OPCML: variants seen among roughly 807,000 people sequenced by gnomAD.
OPCML encodes the protein opioid-binding protein/cell adhesion molecule.
A neutral mutation model predicts 37.8 loss-of-function variants in OPCML; 13 were observed. That is an observed-to-expected ratio of 0.34 (90% CI 0.22 to 0.55). The LOEUF (loss-of-function observed/expected upper bound fraction) is 0.55. Ranked by LOEUF, OPCML falls within the 20% of genes least tolerant of loss-of-function variation. The pLI, the probability that OPCML is intolerant of heterozygous loss-of-function variation, is 0.91. For synonymous variants in OPCML, 176 were observed against 168.8 expected (o/e 1.04, Z -0.33); for missense variants, 341 against 435.6 (o/e 0.78, Z 1.93).
intron 1 of OPCML, among the ~76,000 whole-genome samples, chr11:133,507,946 C>CAA (rs200433156): frequency 4.4e-4 from 43 of 98,802 alleles, no homozygotes; most frequent in African/African-American, 1.3e-3. Context: ...AAGTATGTCT[C>CAA]AAAAAAAAAA....
chr11:132,719,478 G>C (rs546507145), intron 2 of OPCML, among the ~76,000 whole-genome samples: 1 of 152,140 alleles, frequency 6.6e-6, no homozygotes, highest in Non-Finnish European at 1.5e-5. Flanking sequence ...ACTTCTCCCC[G>C]GTTTAAATTA....
chr11:133,260,079 C>G (rs1314419220), intron 1 of OPCML, among the ~76,000 whole-genome samples: 1 of 151,550 alleles, frequency 6.6e-6, no homozygotes, highest in Non-Finnish European at 1.5e-5. Flanking sequence ...ATAGGTGGAT[C>G]AGCAATGACC....
At chr11:133,386,563 C>T (rs1201466360) in intron 1 of OPCML, among the ~76,000 whole-genome samples, 1 of 152,140 alleles carries the variant, frequency 6.6e-6, no homozygotes, top group Non-Finnish European at 1.5e-5. Context: ...GACATGGGTC[C>T]CTCTGGACCT....
At chr11:132,740,092 G>A (rs935730999) in intron 2 of OPCML, among the ~76,000 whole-genome samples, 2 of 152,220 alleles carry the variant, frequency 1.3e-5, no homozygotes, top group African/African-American at 4.8e-5. Context: ...AGAAGAGTCA[G>A]AGGGTACAGA....
chr11:133,530,764 A>G (rs1948589185), intron 1 of OPCML, among the ~76,000 whole-genome samples: 1 of 152,196 alleles, frequency 6.6e-6, no homozygotes, highest in Non-Finnish European at 1.5e-5. Flanking sequence ...AAAAAGTGCC[A>G]TCTTCACAAG....
At chr11:133,106,328 G>A (rs1949156778) in intron 1 of OPCML, among the ~76,000 whole-genome samples, 1 of 152,206 alleles carries the variant, frequency 6.6e-6, no homozygotes, top group Non-Finnish European at 1.5e-5. Flanking sequence ...GGCAAGCATT[G>A]CACCCATTTA....
chr11:133,056,584 C>A (rs1022304377), intron 1 of OPCML, among the ~76,000 whole-genome samples: 2 of 152,184 alleles, frequency 1.3e-5, no homozygotes, highest in Admixed American at 1.3e-4. Context: ...ACAGATGAAG[C>A]AACATTCCTC....
chr11:132,786,465 T>A (rs923039431), intron 2 of OPCML, among the ~76,000 whole-genome samples: 1 of 152,158 alleles, frequency 6.6e-6, no homozygotes, highest in Non-Finnish European at 1.5e-5. Flanking sequence ...CTAAAGAAAA[T>A]AAATGGCTTT....
chr11:132,767,299 AC>A lies in OPCML; in HGVS notation c.147-109981del, dbSNP rs148200697. Reference sequence around the variant, plus strand: ...CTGGGTGGTGTGTGTGTGCACGCACACATGTGTATATGCATGCTCACGTGTG... The same window carrying A: ...CTGGGTGGTGTGTGTGTGCACGCACAATGTGTATATGCATGCTCACGTGTG... On this transcript the variant is annotated intron_variant, in intron 2 of 7. Coordinates refer to ENST00000524381, the MANE Select transcript of OPCML (RefSeq NM_001012393.5). 3.1e-3 allele frequency among the ~76,000 whole-genome samples: 475 copies of A among 152,328 alleles called. 1 individual carries two copies. Among genetic ancestry groups the A allele is most frequent in the African/African-American group, 9.2e-3 (381 of 41,574 alleles).
chr11:132,934,269 AG>A (rs1945301001), intron 2 of OPCML, among the ~76,000 whole-genome samples: 2 of 152,176 alleles, frequency 1.3e-5, no homozygotes, highest in African/African-American at 4.8e-5. Context: ...TGGCAGGACA[AG>A]GCAGGGTACC....
At chr11:133,172,189 C>G (rs1365820028) in intron 1 of OPCML, among the ~76,000 whole-genome samples, 1 of 152,172 alleles carries the variant, frequency 6.6e-6, no homozygotes, top group African/African-American at 2.4e-5. Context: ...CAAGCACCTA[C>G]TCCTCAATCT....
intron 1 of OPCML, among the ~76,000 whole-genome samples, chr11:133,293,752 T>C (rs1366745153): frequency 6.6e-6 from 1 of 152,022 alleles, no homozygotes; most frequent in Non-Finnish European, 1.5e-5. Context: ...AGGTCTGATC[T>C]GGAAGAGAAA....
chr11:133,335,250 G>T (rs544370978), intron 1 of OPCML, among the ~76,000 whole-genome samples: 1 of 152,324 alleles, frequency 6.6e-6, no homozygotes, highest in African/African-American at 2.4e-5. Flanking sequence ...AATAAAGGAA[G>T]CTCAGGCTGA....
At position 133,490,437 on chromosome 11, in the gene OPCML, T is replaced by C. The variant is rs192319261; in HGVS notation, c.61+41827A>G. ...TCATATTCTGTAAGACATAAATTGA[T>C]ACAGCCATCAGTGAAGCATGTGGAG... On this transcript the variant is annotated intron_variant, in intron 1 of 7. Transcript: ENST00000524381. Among the ~76,000 whole-genome samples the C allele has an allele frequency of 2.3e-3, 346 of 152,318 alleles. 4 individuals are homozygous for C. The highest frequency in any genetic ancestry group is 8.0e-3 in the African/African-American group (333 of 41,556).
In OPCML at chr11:133,173,625, A is replaced by G. The variant is rs969868086; in HGVS notation, c.62-230615T>C. On this transcript the variant is annotated intron_variant, in intron 1 of 7. Transcript: ENST00000524381. This position sits in a 1 kb window ranked among gnomAD's most constrained non-coding sequence, Gnocchi z 7.8. ...ACCCCCCAGATGCCTCTCATTGCAAAAATTAGCAGTAACGCGATGAGGCTA... is the reference window on the plus strand; with the variant it reads ...ACCCCCCAGATGCCTCTCATTGCAAGAATTAGCAGTAACGCGATGAGGCTA... Among the ~76,000 whole-genome samples, 1 of 152,168 alleles carries G rather than the reference A, an allele frequency of 6.6e-6. No homozygotes were observed. The highest frequency in any genetic ancestry group is 2.4e-5 in the African/African-American group (1 of 41,432).
intron 2 of OPCML, among the ~76,000 whole-genome samples, chr11:132,697,654 C>A (rs1323792613): frequency 6.6e-6 from 1 of 152,138 alleles, no homozygotes; most frequent in Non-Finnish European, 1.5e-5. Flanking sequence ...AGAACACGTT[C>A]TTTATCCATT....
chr11:133,137,313 T>C (rs966986731), intron 1 of OPCML, among the ~76,000 whole-genome samples: 8 of 152,236 alleles, frequency 5.3e-5, no homozygotes, highest in African/African-American at 1.9e-4. Context: ...CCTGTTCTTA[T>C]ATTTGCTTAT....
chr11:133,009,604 T>C (rs745837952), intron 1 of OPCML, among the ~76,000 whole-genome samples: 24 of 152,210 alleles, frequency 1.6e-4, no homozygotes, highest in Non-Finnish European at 2.8e-4. Flanking sequence ...ACTGGTTTCA[T>C]GGAAGACAGT....
intron 1 of OPCML, among the ~76,000 whole-genome samples, chr11:133,156,945 A>G (rs1169942523): frequency 6.6e-6 from 1 of 152,034 alleles, no homozygotes; most frequent in Non-Finnish European, 1.5e-5. Context: ...AAACCCCCTC[A>G]GCAGCACTCA....
Sources: gnomAD v4.1 joint callset for allele counts (sites outside exome capture counted in the v4.1 genomes callset) on GRCh38, gnomAD v4.1.1 for gene constraint, Gnocchi (gnomAD v3.1) non-coding constraint, MANE v1.5 for transcripts, NCBI Gene and HGNC (gene_info 2026-07-23, HGNC 2026-07-21) for gene names.